The following RFX2 variants were observed in gnomAD, a reference collection of about 807,000 sequenced individuals.
RFX2 encodes regulatory factor X2, also known as DNA-binding protein RFX2.
In RFX2, 20 loss-of-function variants were observed where a neutral mutation model predicts 87.8. That is an observed-to-expected ratio of 0.23 (90% confidence interval 0.16 to 0.33). RFX2 has a LOEUF of 0.33. RFX2 is among the 10% of genes least tolerant of loss of function. The pLI, the probability that RFX2 is intolerant of heterozygous loss-of-function variation, is 1.00. For missense variants in RFX2, 767 were observed against 1,012.3 expected, an observed-to-expected ratio of 0.76 and a Z score of 3.29; for synonymous variants, 397 against 431.3, an observed-to-expected ratio of 0.92 and a Z score of 0.98.
chr19:6,049,256 G>C (rs2087238208), intron 1 of RFX2: 1 of 151,934 alleles, frequency 6.6e-6, no homozygotes, highest in South Asian at 2.1e-4. Flanking sequence ...TAGCATCAGT[G>C]ATACTAGGAG....
chr19:6,007,285 G>T lies in RFX2; in HGVS notation c.1248-119C>A. Reference sequence around the variant, plus strand: ...TGCCCAACAGTGGGGCTGGGGTTTTGCTCCCCATCCCTGAGCCTCGATGGG... The same window carrying T: ...TGCCCAACAGTGGGGCTGGGGTTTTTCTCCCCATCCCTGAGCCTCGATGGG... On this transcript the variant is annotated intron_variant, in intron 11 of 17. Transcript: ENST00000303657. This position sits in a 1 kb window ranked among gnomAD's most constrained non-coding sequence, Gnocchi z 8.2. 2 of 1,050,516 alleles carry T rather than the reference G, an allele frequency of 1.9e-6. No individual in the cohort carries two copies. The highest frequency in any genetic ancestry group is 1.4e-6 in the Non-Finnish European group (1 of 725,994). 65.1% of individuals were successfully genotyped at this position (1,050,516 alleles called of 1,614,324 possible). A position where few individuals can be genotyped will look rare whatever the true frequency, so the allele number is the denominator to read the frequency against.
intron 1 of RFX2, among the ~76,000 whole-genome samples, chr19:6,065,255 T>C (rs772874265): frequency 9.2e-5 from 14 of 152,198 alleles, no homozygotes; most frequent in Non-Finnish European, 2.1e-4. Context: ...AGTCTTTGTG[T>C]AAGTCAGACC....
At chr19:6,098,965 C>CAAAAAAAAAAAAAAAAAAAAAAAAAAA (rs34110529) in intron 1 of RFX2, among the ~76,000 whole-genome samples, 1 of 52,796 alleles carries the variant, frequency 1.9e-5, no homozygotes, top group African/African-American at 5.2e-5. Flanking sequence ...GCTTGAACCA[C>CAAAAAAAAAAAAAAAAAAAAAAAAAAA]AAAAAAAAAA....
chr19:6,006,928 G>T (rs746403266), intron 12 of RFX2, 84 bp downstream of exon 12: 16 of 1,486,036 alleles, frequency 1.1e-5, no homozygotes, highest in Non-Finnish European at 1.5e-5. Context: ...GGTCTGAGGT[G>T]GCTGAAGACG....
In RFX2 at chr19:6,047,783, G is replaced by T. The variant is rs1265978586; in HGVS notation, c.-8-279C>A. Among the ~76,000 whole-genome samples, 1 of 152,216 alleles carries T rather than the reference G, an allele frequency of 6.6e-6. No homozygotes were observed. The highest frequency in any genetic ancestry group is 1.5e-5 in the Non-Finnish European group (1 of 68,036). ...GCAGGAATTCCTCAACAGAAGGCCG[G>T]GACACTGGCTCTGTGCCCAAGTCTG... On this transcript the variant is annotated intron_variant, in intron 1 of 17. Transcript: ENST00000303657. This position sits in a 1 kb window ranked among gnomAD's most constrained non-coding sequence, Gnocchi z 4.2.
chr19:6,097,591 AATT>A (rs149785713), intron 1 of RFX2, among the ~76,000 whole-genome samples: 8,219 of 151,770 alleles, frequency 0.054, 664 homozygotes, highest in African/African-American at 0.18. Flanking sequence ...TATTATTATT[AATT>A]ATTATTATTA....
In RFX2 at chr19:6,016,281, G is replaced by A. The variant is rs761549460; in HGVS notation, c.598-10C>T. On this transcript the variant is annotated splice_polypyrimidine_tract_variant and intron_variant, in intron 6 of 17. Transcript: ENST00000303657. The surrounding 1 kb of genome is among the most constrained non-coding windows in gnomAD (Gnocchi z 5.4). ...CCAACAGCCACTGGAGCTGTAAAAA[G>A]AAAGACACGTCTGCGTTTGTCAGAA... The A allele has an allele frequency of 2.5e-6, 4 of 1,587,308 alleles. No individual in the cohort carries two copies. Among genetic ancestry groups the A allele is most frequent in the Non-Finnish European group, 3.4e-6 (4 of 1,163,094 alleles).
chr19:6,068,665 G>A (rs1286533202), intron 1 of RFX2, among the ~76,000 whole-genome samples: 2 of 152,212 alleles, frequency 1.3e-5, no homozygotes, highest in East Asian at 1.9e-4. Context: ...AAGGCCCCGA[G>A]GTGGGACAAT....
intron 1 of RFX2, among the ~76,000 whole-genome samples, chr19:6,098,701 G>A (rs996297211): frequency 6.6e-6 from 1 of 151,800 alleles, no homozygotes; most frequent in Non-Finnish European, 1.5e-5. Context: ...AAAAAAAAAA[G>A]AGGATTCTGC....
chr19:6,098,347 G>T (rs1370667162), intron 1 of RFX2, among the ~76,000 whole-genome samples: 2 of 152,062 alleles, frequency 1.3e-5, no homozygotes, highest in Non-Finnish European at 2.9e-5. Flanking sequence ...CTTGAGAAAT[G>T]GGGGCTCTCC....
chr19:6,028,526 C>T (rs2086917676), intron 5 of RFX2, among the ~76,000 whole-genome samples: 1 of 152,188 alleles, frequency 6.6e-6, no homozygotes, highest in South Asian at 2.1e-4. Flanking sequence ...AGCTTTTCAT[C>T]CTCAGTTACA....
chr19:6,035,916 A>G (rs16993348), intron 5 of RFX2, among the ~76,000 whole-genome samples: 4,038 of 150,474 alleles, frequency 0.027, 202 homozygotes, highest in African/African-American at 0.094. Context: ...ACGGATTTCT[A>G]ATTGATTTAA....
At chr19:6,005,818 G>C (rs898751511) in intron 12 of RFX2, among the ~76,000 whole-genome samples, 6 of 152,178 alleles carry the variant, frequency 3.9e-5, no homozygotes, top group African/African-American at 1.4e-4. Flanking sequence ...CCCTCCTACA[G>C]GGGTGGCACT....
intron 1 of RFX2, among the ~76,000 whole-genome samples, chr19:6,092,923 G>A (rs1052240996): frequency 2.0e-5 from 3 of 152,038 alleles, no homozygotes; most frequent in Non-Finnish European, 4.4e-5. Context: ...GGAGTGGGAC[G>A]GGGACTTAGG....
chr19:5,999,148 C>T lies in RFX2; in HGVS notation c.1860-1935G>A, dbSNP rs2086458184. Among the ~76,000 whole-genome samples the T allele has an allele frequency of 6.6e-6, 1 of 152,124 alleles. No homozygotes were observed. Reference sequence around the variant, plus strand: ...GTGGGCACCTGTAATCCCAGCTATTCAGGAGGCTGAGGCACGAGAAGTGCT... The same window carrying T: ...GTGGGCACCTGTAATCCCAGCTATTTAGGAGGCTGAGGCACGAGAAGTGCT... On this transcript the variant is annotated intron_variant, in intron 15 of 17. Transcript: ENST00000303657. This position sits in a 1 kb window ranked among gnomAD's most constrained non-coding sequence, Gnocchi z 4.1.
At chr19:6,087,415 G>C (rs1207999906) in intron 1 of RFX2, among the ~76,000 whole-genome samples, 1 of 152,168 alleles carries the variant, frequency 6.6e-6, no homozygotes, top group Non-Finnish European at 1.5e-5. Context: ...ATTGAGGATC[G>C]AGGATCAGAG....
At chr19:6,080,406 C>T (rs1211342625) in intron 1 of RFX2, among the ~76,000 whole-genome samples, 4 of 152,152 alleles carry the variant, frequency 2.6e-5, no homozygotes, top group African/African-American at 9.7e-5. Flanking sequence ...CTAAGGTGAG[C>T]AGGTCAGATG....
chr19:6,107,471 G>T (rs1325816304), intron 1 of RFX2, among the ~76,000 whole-genome samples: 1 of 151,790 alleles, frequency 6.6e-6, no homozygotes, highest in Non-Finnish European at 1.5e-5. Flanking sequence ...ACAAAAATTA[G>T]CCGGGTGTGG....
At chr19:6,019,152 G>A (rs1202988880) in intron 6 of RFX2, among the ~76,000 whole-genome samples, 2 of 151,964 alleles carry the variant, frequency 1.3e-5, no homozygotes, top group Non-Finnish European at 2.9e-5. Context: ...GTGCTTGGCT[G>A]TGCCCATAAC....
Sources: gnomAD v4.1 joint callset for allele counts (sites outside exome capture counted in the v4.1 genomes callset) on GRCh38, gnomAD v4.1.1 for gene constraint, Gnocchi (gnomAD v3.1) non-coding constraint, MANE v1.5 for transcripts, NCBI Gene and HGNC (gene_info 2026-07-23, HGNC 2026-07-21) for gene names.